EBNA1BP2: variants seen among roughly 807,000 people sequenced by gnomAD.
The protein encoded by EBNA1BP2 is probable rRNA-processing protein EBP2.
In EBNA1BP2, 36 loss-of-function variants were observed where a neutral mutation model predicts 43.5. The observed-to-expected ratio is 0.83, with a 90% confidence interval of 0.63 to 1.09. The LOEUF is 1.09. EBNA1BP2 is among the 50% of genes least tolerant of loss of function. The pLI is 0.00. For missense variants in EBNA1BP2, 332 were observed against 379.1 expected (o/e 0.88, Z 1.03); for synonymous variants, 127 against 141.3 (o/e 0.90, Z 0.72).
Position 43,164,798 on chromosome 1 carries a change from C to T in EBNA1BP2, c.715G>A (p.Ala239Thr), listed in dbSNP as rs1422110792. The T allele has an allele frequency of 6.2e-7, 1 of 1,614,166 alleles. No homozygotes were observed. Among genetic ancestry groups the T allele is most frequent in the South Asian group, 1.1e-5 (1 of 91,082 alleles). Residue 239 changes from alanine (A) to threonine (T), a missense_variant, in exon 8 of 9, where the codon GCT (alanine) becomes ACT (threonine). This residue lies in a region of EBNA1BP2 where 91 missense variants were observed against 152.1 expected (regional missense o/e 0.60). Transcript: ENST00000236051. ...KGQQMRKGPS[A>T]KRRYKNQKFG... ...TTCTGGTTTTTATACCGTCGTTTAG[C>T]ACTGGGCCTGGAAAAGAATGGTCCT...
intron 3 of EBNA1BP2, 165 bp from the exon 4 acceptor site, chr1:43,171,044 G>A: frequency 9.7e-7 from 1 of 1,027,180 alleles, no homozygotes; most frequent in Non-Finnish European, 1.3e-6. Context: ...GTATCTAAAA[G>A]AAATGTAGCC....
chr1:43,167,061 G>T, intron 6 of EBNA1BP2, 99 bp downstream of exon 6: 3 of 1,499,486 alleles, frequency 2.0e-6, no homozygotes, highest in South Asian at 2.3e-5. Flanking sequence ...ACTTTGATCC[G>T]ACAGGTCCAC....
At chr1:43,167,368 G>A (rs982324506) in intron 5 of EBNA1BP2, 133 bp from the exon 6 acceptor site, 3 of 778,080 alleles carry the variant, frequency 3.9e-6, no homozygotes, top group African/African-American at 3.4e-5. Context: ...CTGTGTTAGG[G>A]ACTCTAAGTA....
chr1:43,168,802 C>G, intron 5 of EBNA1BP2, 137 bp downstream of exon 5: 1 of 888,734 alleles, frequency 1.1e-6, no homozygotes, highest in Non-Finnish European at 1.8e-6. Context: ...TCATGAATAC[C>G]AGCACATACA....
At chr1:43,172,315 C>T, upstream of EBNA1BP2, 3 of 1,551,756 alleles carry the variant, frequency 1.9e-6, no homozygotes, top group Non-Finnish European at 8.7e-7. Context: ...ACTTCCGCTT[C>T]CGGCGGCAAA....
At chr1:43,169,079 C>G in intron 4 of EBNA1BP2, 51 bp from the exon 5 acceptor site, 8 of 1,572,022 alleles carry the variant, frequency 5.1e-6, no homozygotes, top group Non-Finnish European at 7.0e-6. Context: ...GGAATGACCA[C>G]TACTTAGGAT....
intron 4 of EBNA1BP2, among the ~76,000 whole-genome samples, chr1:43,169,500 G>A (rs1353177972): frequency 6.6e-6 from 1 of 152,130 alleles, no homozygotes; most frequent in Non-Finnish European, 1.5e-5. Context: ...ACAGTAAGAA[G>A]GTGAACTACT....
rs773274419 is a variant in EBNA1BP2 at position 43,168,945 on chromosome 1, C to A, written c.531G>T (p.Gly177=). Reference sequence around the variant, plus strand: ...TGCACACTTTTCTTCTCACCTTCTTCCCGTATTTCCTAAGTGCTCGCAGTT... The same window carrying A: ...TGCACACTTTTCTTCTCACCTTCTTACCGTATTTCCTAAGTGCTCGCAGTT... The part of the protein sequence containing the change: ...AKQLRALRKY[G]KKVQTEVLQK... Residue 177 remains glycine (G), a synonymous_variant, in exon 5 of 9, where the codon GGG becomes GGT. Coordinates refer to ENST00000236051, the MANE Select transcript of EBNA1BP2 (RefSeq NM_006824.3). 4 of 1,614,042 alleles carry A rather than the reference C, an allele frequency of 2.5e-6. No homozygotes were observed. The highest frequency in any genetic ancestry group is 2.5e-6 in the Non-Finnish European group (3 of 1,180,016).
rs1644905913 is a variant in EBNA1BP2 at position 43,164,582 on chromosome 1, G to A, written c.870+61C>T. On this transcript the variant is annotated intron_variant, in intron 8 of 8. Coordinates refer to ENST00000236051, the MANE Select transcript of EBNA1BP2 (RefSeq NM_006824.3). ...CGAACAGAACTGAAGGGAGAGGGCAGGGTTGGGAGTGGGAGGGGAGGCTGA... is the reference window on the plus strand; with the variant it reads ...CGAACAGAACTGAAGGGAGAGGGCAAGGTTGGGAGTGGGAGGGGAGGCTGA... 2.4e-5 allele frequency: 39 copies of A among 1,613,764 alleles called. 1 individual carries two copies. In the South Asian group the frequency reaches 3.7e-4, roughly 15 times the overall value.
chr1:43,170,203 C>G (rs1227511966), intron 4 of EBNA1BP2, among the ~76,000 whole-genome samples: 1 of 152,028 alleles, frequency 6.6e-6, no homozygotes, highest in African/African-American at 2.4e-5. Context: ...ATTTTTGATC[C>G]AAGGTTGGTT....
Position 43,172,127 on chromosome 1 carries a change from A to G in EBNA1BP2, c.-9T>C. 1 of 1,613,972 alleles carries G rather than the reference A, an allele frequency of 6.2e-7. No homozygotes were observed. The highest frequency in any genetic ancestry group is 8.5e-7 in the Non-Finnish European group (1 of 1,179,994). On this transcript the variant is annotated 5_prime_UTR_variant, in exon 1 of 9. Coordinates refer to ENST00000236051, the MANE Select transcript of EBNA1BP2 (RefSeq NM_006824.3). ...AGCGGGGGAGTGTCCATCTCGCCGC[A>G]CGCACGTCCCACACCTACAGGAAGA...
chr1:43,170,645 T>C, intron 4 of EBNA1BP2, 111 bp downstream of exon 4: 1 of 1,460,780 alleles, frequency 6.8e-7, no homozygotes, highest in Non-Finnish European at 9.2e-7. Flanking sequence ...GTAATAATTG[T>C]CCTCTGACAA....
chr1:43,172,018 C>T (rs1644984045), intron 1 of EBNA1BP2, 35 bp downstream of exon 1: 2 of 1,614,050 alleles, frequency 1.2e-6, no homozygotes, highest in Non-Finnish European at 1.7e-6. Context: ...GCCCCCTCTC[C>T]CACGCCCAGC....
rs1644907499 is a variant in EBNA1BP2, at chr1:43,164,741, T to C, written c.772A>G (p.Lys258Glu). 1.2e-6 allele frequency: 2 copies of C among 1,614,236 alleles called. No individual in the cohort carries two copies. Among genetic ancestry groups the C allele is most frequent in the Non-Finnish European group, 1.7e-6 (2 of 1,180,024 alleles). ...TCATAGCTCTCCCGAGTGTTCCACTTTGAGCCTTTCTTCTTTCCACCAAAA... is the reference window on the plus strand; with the variant it reads ...TCATAGCTCTCCCGAGTGTTCCACTCTGAGCCTTTCTTCTTTCCACCAAAA... ...FGFGGKKKGS[K>E]WNTRESYDDV... The change falls in exon 8 of 9, where the codon AAG becomes GAG. Residue 258 changes from lysine (K) to glutamate (E), a missense_variant. Physicochemically the swap from Lys to Glu is moderately conservative, Grantham distance 56. Transcript: ENST00000236051.
intron 5 of EBNA1BP2, among the ~76,000 whole-genome samples, chr1:43,167,953 T>C (rs1368618590): frequency 6.6e-6 from 1 of 152,000 alleles, no homozygotes; most frequent in Non-Finnish European, 1.5e-5. Flanking sequence ...CACAGAAAAC[T>C]CTTGGGGAGC....
At position 43,168,991 on chromosome 1, in the gene EBNA1BP2, T is replaced by TC. The variant is rs760280045; in HGVS notation, c.484dup (p.Glu162GlyfsTer4). The TC allele has an allele frequency of 6.2e-7, 1 of 1,614,176 alleles. No homozygotes were observed. The highest frequency in any genetic ancestry group is 8.5e-7 in the Non-Finnish European group (1 of 1,180,016). On this transcript the variant is annotated frameshift_variant, in exon 5 of 9. Transcript: ENST00000236051. LOFTEE classifies it high-confidence loss of function. ...CAGTTGCTTAGCTTTTTCAGACCTC[T>TC]CCATGGCAGCCTGTTTAGTCTGCAG...
chr1:43,172,054 T>C lies in EBNA1BP2; in HGVS notation c.65A>G (p.Glu22Gly). Residue 22 changes from glutamate (E) to glycine (G), a missense_variant and splice_region_variant, in exon 1 of 9, where the codon GAG becomes GGG. Physicochemically the swap from Glu to Gly is moderately conservative, Grantham distance 98 (BLOSUM62 -2). Transcript: ENST00000236051. ...CCCACGAGCTCGGCTGACACCTACCTCTCTGTCTGTGACAAGGGATTCATC... is the reference window on the plus strand; with the variant it reads ...CCCACGAGCTCGGCTGACACCTACCCCTCTGTCTGTGACAAGGGATTCATC... ...ESDESLVTDR[E>G]LQDAFSRGLL... The C allele has an allele frequency of 1.2e-6, 2 of 1,613,988 alleles. No individual in the cohort carries two copies. Among genetic ancestry groups the C allele is most frequent in the Non-Finnish European group, 1.7e-6 (2 of 1,179,986 alleles).
Position 43,167,172 on chromosome 1 carries a change from T to A in EBNA1BP2, c.601A>T (p.Lys201Ter), listed in dbSNP as rs777151200. 1 of 1,614,150 alleles carries A rather than the reference T, an allele frequency of 6.2e-7. No individual in the cohort carries two copies. The highest frequency in any genetic ancestry group is 8.5e-7 in the Non-Finnish European group (1 of 1,180,026). The change falls in exon 6 of 9, where the codon AAA (lysine) becomes TAA (stop). Residue 201 changes from lysine (K) to a stop codon, truncating the protein, a stop_gained. Coordinates refer to ENST00000236051, the MANE Select transcript of EBNA1BP2 (RefSeq NM_006824.3). LOFTEE classifies it high-confidence loss of function. ...EKAHMMNAIKKYQKGFSDKLD... is the reference protein window; with the variant it reads ...EKAHMMNAIK ...GAGATGTACCAACCTTTCTGATATT[T>A]CTTAATAGCATTCATCATATGGGCT...
At chr1:43,171,147 G>A (rs1046383925) in intron 3 of EBNA1BP2, 4 of 455,288 alleles carry the variant, frequency 8.8e-6, no homozygotes, top group East Asian at 8.7e-5. Context: ...AACGAATGTC[G>A]ATTATGGATT....
Sources: gnomAD v4.1 joint callset for allele counts (sites outside exome capture counted in the v4.1 genomes callset) on GRCh38, gnomAD v4.1.1 for gene constraint, gnomAD v4.1.1 regional missense constraint, MANE v1.5 for transcripts, NCBI Gene and HGNC (gene_info 2026-07-23, HGNC 2026-07-21) for gene names.